The following ATG4A variants were observed in gnomAD, a reference collection of about 807,000 sequenced individuals.
ATG4A encodes the protein autophagy related 4A cysteine peptidase, also known as cysteine protease ATG4A.
In ATG4A, 22 loss-of-function variants were observed where a neutral mutation model predicts 38.4. That is an observed-to-expected ratio of 0.57 (90% CI 0.41 to 0.82). The LOEUF is 0.82. Ranked by LOEUF, ATG4A falls within the 40% of genes least tolerant of loss-of-function variation. ATG4A has a pLI of 0.00. For missense variants in ATG4A, 220 were observed against 290.0 expected, an observed-to-expected ratio of 0.76 and a Z score of 1.75; for synonymous variants, 86 against 100.7, an observed-to-expected ratio of 0.85 and a Z score of 0.88.
intron 9 of ATG4A, among the ~76,000 whole-genome samples, chrX:108,149,547 C>T (rs1444886546): frequency 8.9e-6 from 1 of 112,887 alleles, no homozygotes; most frequent in Non-Finnish European, 1.9e-5. Context: ...AAAGGCAGTG[C>T]TTTCTGACAG....
chrX:108,120,414 C>G (rs2032619602), intron 1 of ATG4A, among the ~76,000 whole-genome samples: 1 of 111,961 alleles, frequency 8.9e-6, no homozygotes, highest in African/African-American at 3.2e-5. Context: ...ACATTCCTGA[C>G]CAGTTTGTGT....
chrX:108,151,243 T>C (rs996860513), intron 10 of ATG4A, among the ~76,000 whole-genome samples: 1 of 111,532 alleles, frequency 9.0e-6, no homozygotes, highest in Non-Finnish European at 1.9e-5. Flanking sequence ...GTCTGCATCC[T>C]CTCCTCTAGT....
intron 3 of ATG4A, among the ~76,000 whole-genome samples, chrX:108,129,528 C>T (rs1490204350): frequency 1.8e-5 from 2 of 109,966 alleles, no homozygotes; most frequent in Admixed American, 9.6e-5. Context: ...CCTTTCTGTT[C>T]AGTGCCAAAA....
At chrX:108,122,336 A>G (rs773708317) in intron 1 of ATG4A, among the ~76,000 whole-genome samples, 1 of 112,336 alleles carries the variant, frequency 8.9e-6, no homozygotes, top group African/African-American at 3.2e-5. Context: ...TTCTCTCCAT[A>G]ATAGCAATGA....
chrX:108,096,359 G>A (rs1051888054), intron 1 of ATG4A, among the ~76,000 whole-genome samples: 2 of 112,288 alleles, frequency 1.8e-5, no homozygotes, highest in Non-Finnish European at 1.9e-5. Context: ...AGAATCATTC[G>A]TACCTTGCTT....
intron 9 of ATG4A, among the ~76,000 whole-genome samples, chrX:108,142,154 C>T (rs936497910): frequency 3.6e-5 from 4 of 111,573 alleles, no homozygotes; most frequent in African/African-American, 1.3e-4. Flanking sequence ...CACTTGTAAT[C>T]CCAGCACTTT....
intron 9 of ATG4A, among the ~76,000 whole-genome samples, chrX:108,147,498 G>A (rs979605815): frequency 9.0e-5 from 10 of 111,515 alleles, no homozygotes; most frequent in South Asian, 7.7e-4. Context: ...CCAGTCACTC[G>A]CATGATAAGA....
chrX:108,106,722 G>A (rs2032183818), intron 1 of ATG4A, among the ~76,000 whole-genome samples: 1 of 111,888 alleles, frequency 8.9e-6, no homozygotes, highest in East Asian at 2.8e-4. Flanking sequence ...TTTCCCTTTG[G>A]ACTCCATGGT....
At chrX:108,089,357 GA>G (rs1014547866), upstream of ATG4A, among the ~76,000 whole-genome samples, 12 of 111,564 alleles carry the variant, frequency 1.1e-4, no homozygotes, top group Non-Finnish European at 1.5e-4. Context: ...TTCTGACTCT[GA>G]AATCTCTACT....
At chrX:108,126,738 C>T (rs372285741) in intron 2 of ATG4A, 4 of 978,529 alleles carry the variant, frequency 4.1e-6, no homozygotes, top group East Asian at 1.5e-4. Flanking sequence ...TTAGCCACTG[C>T]AGCTAGATGG....
chrX:108,148,020 AATATATATATATATATATATATATATAT>A (rs60886281), intron 9 of ATG4A, among the ~76,000 whole-genome samples: 952 of 80,138 alleles, frequency 0.012, 39 homozygotes, highest in African/African-American at 0.038. Flanking sequence ...ACTAATGGAA[AATATATATATATATATATATATATATAT>A]ATATATATAT....
At chrX:108,102,896 C>T (rs902179665) in intron 1 of ATG4A, among the ~76,000 whole-genome samples, 2 of 107,895 alleles carry the variant, frequency 1.9e-5, no homozygotes, top group African/African-American at 6.8e-5. Flanking sequence ...CATAGGTAAA[C>T]GTGTGTCATG....
intron 1 of ATG4A, among the ~76,000 whole-genome samples, chrX:108,122,945 A>T (rs1318916519): frequency 8.9e-6 from 1 of 112,011 alleles, no homozygotes; most frequent in African/African-American, 3.2e-5. Flanking sequence ...CTAAGCTCTC[A>T]CTCTGGCTGA....
upstream of ATG4A, among the ~76,000 whole-genome samples, chrX:108,089,540 A>G (rs76720418): frequency 0.021 from 2,371 of 112,649 alleles, 67 homozygotes; most frequent in African/African-American, 0.074. Flanking sequence ...TTTATAAAAA[A>G]TAATAAGCTA....
At chrX:108,141,069 T>TAA (rs2033266333) in intron 9 of ATG4A, among the ~76,000 whole-genome samples, 1 of 29,400 alleles carries the variant, frequency 3.4e-5, no homozygotes, top group African/African-American at 1.3e-4. Flanking sequence ...TGTATATATA[T>TAA]ACATATATAT....
chrX:108,141,021 C>CAT (rs1203527127), intron 9 of ATG4A, among the ~76,000 whole-genome samples: 8 of 76,073 alleles, frequency 1.1e-4, no homozygotes, highest in Non-Finnish European at 1.9e-4. Context: ...TATATATACA[C>CAT]ATATATATAC....
intron 9 of ATG4A, among the ~76,000 whole-genome samples, chrX:108,147,099 C>T (rs2033443506): frequency 9.0e-6 from 1 of 111,582 alleles, no homozygotes; most frequent in Admixed American, 9.5e-5. Context: ...AGGAGCCCAC[C>T]AGGACTTTAG....
At chrX:108,124,968 TGAGTTGA>T (rs765845244) in intron 1 of ATG4A, among the ~76,000 whole-genome samples, 1 of 111,690 alleles carries the variant, frequency 9.0e-6, no homozygotes, top group East Asian at 2.8e-4. Context: ...GGAGCCCCCA[TGAGTTGA>T]GAGGTGTATG....
At chrX:108,126,235 C>T (rs756364806) in intron 2 of ATG4A, 48 bp downstream of exon 2, 1 of 951,805 alleles carries the variant, frequency 1.1e-6, no homozygotes, top group South Asian at 2.0e-5. Flanking sequence ...GAGGTAGGCA[C>T]CTGTGGTTCA....
Sources: gnomAD v4.1 joint callset for allele counts (sites outside exome capture counted in the v4.1 genomes callset) on GRCh38, gnomAD v4.1.1 for gene constraint, MANE v1.5 for transcripts, NCBI Gene and HGNC (gene_info 2026-07-23, HGNC 2026-07-21) for gene names.